MCTP2: variants seen among roughly 807,000 people sequenced by gnomAD.
MCTP2 encodes the protein multiple C2 and transmembrane domain containing 2.
A neutral mutation model predicts 111.6 loss-of-function variants in MCTP2; 132 were observed. The ratio of observed to expected loss-of-function variants is 1.18; its 90% CI spans 1.03 to 1.37. MCTP2 has a LOEUF of 1.37. Among genes scored for constraint, MCTP2 ranks in the 40% most tolerant of loss-of-function variants. The pLI is 0.00. For synonymous variants in MCTP2, 395 were observed against 387.7 expected (o/e 1.02, Z -0.22); for missense variants, 1,183 against 1,067.9 (o/e 1.11, Z -1.50).
intron 7 of MCTP2, chr15:94,342,902 A>G (rs1324982978): frequency 6.8e-6 from 1 of 148,028 alleles, no homozygotes; most frequent in Non-Finnish European, 1.5e-5. Context: ...TTATATCCAT[A>G]TTTATGTATA....
At chr15:94,357,903 C>G (rs1274023288) in intron 9 of MCTP2, among the ~76,000 whole-genome samples, 3 of 152,172 alleles carry the variant, frequency 2.0e-5, no homozygotes, top group Non-Finnish European at 2.9e-5. Flanking sequence ...TCAAGTCACT[C>G]TCGTTAATTT....
intron 2 of MCTP2, among the ~76,000 whole-genome samples, chr15:94,298,948 TCTCTCCCTCTCTCCCTCTCTCCCTCTCC>T (rs2075439025): frequency 4.3e-4 from 3 of 7,024 alleles, no homozygotes; most frequent in Non-Finnish European, 7.0e-4. Flanking sequence ...CCTCTCTCCC[TCTCTCCCTCTCTCCCTCTCTCCCTCTCC>T]CTCTCCCTCT....
rs1278384799 is a variant in MCTP2 at position 94,409,862 on chromosome 15, C to T, written c.2085+7843C>T. Among the ~76,000 whole-genome samples the T allele has an allele frequency of 4.6e-5, 7 of 150,728 alleles. No homozygotes were observed. The East Asian group carries it at 7.9e-4, about 17-fold the overall frequency. ...CCCTCCTCCCCTATTTTCCACTCACCCTTCCTTTCCCCCTCCCTTTCCCCC... is the reference window on the plus strand; with the variant it reads ...CCCTCCTCCCCTATTTTCCACTCACTCTTCCTTTCCCCCTCCCTTTCCCCC... On this transcript the variant is annotated intron_variant, in intron 17 of 22. Coordinates refer to ENST00000357742, the MANE Select transcript of MCTP2 (RefSeq NM_001385001.1).
chr15:94,295,233 A>T (rs1385005260), intron 1 of MCTP2, among the ~76,000 whole-genome samples: 1 of 131,472 alleles, frequency 7.6e-6, no homozygotes, highest in Non-Finnish European at 1.7e-5. Context: ...TACAGGTATG[A>T]GCCACCACAC....
In MCTP2 at chr15:94,467,086, G is replaced by A. The variant is rs1406901032; in HGVS notation, c.2361-3247G>A. ...TTATAAATGATTTATATGTATAAAT[G>A]TATGGAATCCCCTCACCAACTCTGT... On this transcript the variant is annotated intron_variant, in intron 20 of 22. Transcript: ENST00000357742. Among the ~76,000 whole-genome samples, 5 of 152,254 alleles carry A rather than the reference G, an allele frequency of 3.3e-5. No individual in the cohort carries two copies. The East Asian group carries it at 5.8e-4, about 18-fold the overall frequency.
chr15:94,387,791 G>A (rs1008310072), intron 14 of MCTP2, among the ~76,000 whole-genome samples: 3 of 152,244 alleles, frequency 2.0e-5, no homozygotes, highest in African/African-American at 7.2e-5. Flanking sequence ...ATATGTGTGG[G>A]GAAGGGCACT....
intron 4 of MCTP2, among the ~76,000 whole-genome samples, chr15:94,330,730 GTGTT>G (rs113425808): frequency 0.035 from 5,335 of 151,218 alleles, 318 homozygotes; most frequent in African/African-American, 0.12. Context: ...GCATATGGGA[GTGTT>G]TGTTTGTTTG....
intron 9 of MCTP2, among the ~76,000 whole-genome samples, chr15:94,356,706 T>G (rs2078645256): frequency 6.6e-6 from 1 of 152,226 alleles, no homozygotes; most frequent in Non-Finnish European, 1.5e-5. Context: ...ATTTGCTTTC[T>G]CTTGCTTGCT....
At chr15:94,476,929 T>G in intron 22 of MCTP2, 136 bp downstream of exon 22, 2 of 586,000 alleles carry the variant, frequency 3.4e-6, no homozygotes, top group South Asian at 4.3e-5. Flanking sequence ...AGGCCTGGCT[T>G]GCAGAGAAGT....
intron 1 of MCTP2, among the ~76,000 whole-genome samples, chr15:94,253,478 C>A (rs989003597): frequency 1.3e-5 from 2 of 152,164 alleles, no homozygotes; most frequent in Admixed American, 1.3e-4. Flanking sequence ...TCAGTCCCTT[C>A]ATTGTCATTC....
At chr15:94,422,121 C>T (rs894171897) in intron 17 of MCTP2, among the ~76,000 whole-genome samples, 4 of 152,074 alleles carry the variant, frequency 2.6e-5, no homozygotes, top group African/African-American at 7.2e-5. Context: ...ATCTTTGATA[C>T]TTGGTGTGTT....
intron 19 of MCTP2, among the ~76,000 whole-genome samples, chr15:94,448,286 C>G (rs2084241042): frequency 6.6e-6 from 1 of 152,114 alleles, no homozygotes; most frequent in Non-Finnish European, 1.5e-5. Flanking sequence ...ACTAATATTC[C>G]TAGTACAAGT....
intron 1 of MCTP2, among the ~76,000 whole-genome samples, chr15:94,283,386 A>G (rs2074594102): frequency 6.6e-6 from 1 of 152,078 alleles, no homozygotes; most frequent in Non-Finnish European, 1.5e-5. Context: ...GCCATGCTCC[A>G]TGGCAGATAG....
At chr15:94,415,966 T>C (rs1452926766) in intron 17 of MCTP2, among the ~76,000 whole-genome samples, 1 of 152,128 alleles carries the variant, frequency 6.6e-6, no homozygotes, top group Non-Finnish European at 1.5e-5. Context: ...TTAGGAAATA[T>C]CGGGGAGCTG....
intron 1 of MCTP2, among the ~76,000 whole-genome samples, chr15:94,240,216 A>C (rs555872249): frequency 6.6e-6 from 1 of 152,086 alleles, no homozygotes; most frequent in Non-Finnish European, 1.5e-5. Context: ...TATCTTAGTC[A>C]TGCTAATCCT....
At chr15:94,439,978 C>T (rs1478551950) in intron 17 of MCTP2, among the ~76,000 whole-genome samples, 198 bp from the exon 18 acceptor site, 1 of 152,066 alleles carries the variant, frequency 6.6e-6, no homozygotes, top group Admixed American at 6.6e-5. Context: ...TATTCCAGAG[C>T]GTGACTAATC....
At chr15:94,336,851 G>A (rs888302688) in intron 4 of MCTP2, among the ~76,000 whole-genome samples, 1 of 152,000 alleles carries the variant, frequency 6.6e-6, no homozygotes, top group African/African-American at 2.4e-5. Context: ...CTACGTCTGA[G>A]GCTGAGGGAC....
chr15:94,367,612 G>A lies in MCTP2; in HGVS notation c.1309G>A (p.Val437Met). 6.2e-7 allele frequency: 1 copy of A among 1,610,458 alleles called. No homozygotes were observed. Among genetic ancestry groups the A allele is most frequent in the South Asian group, 1.1e-5 (1 of 90,738 alleles). ...KHEERLGTCK[V>M]DISALPLKQA... ...TTCCTGAAACTTTTCTAGGTGTAAAGTGGATATCTCGGCACTCCCTCTGAA... is the reference window on the plus strand; with the variant it reads ...TTCCTGAAACTTTTCTAGGTGTAAAATGGATATCTCGGCACTCCCTCTGAA... Residue 437 changes from valine (V) to methionine (M), a missense_variant, in exon 11 of 23, where the codon GTG becomes ATG. Val to Met is a conservative substitution (Grantham distance 21). Coordinates refer to ENST00000357742, the MANE Select transcript of MCTP2 (RefSeq NM_001385001.1).
chr15:94,233,331 G>A lies in MCTP2; in HGVS notation c.-66+1667G>A, dbSNP rs565952916. Among the ~76,000 whole-genome samples the A allele has an allele frequency of 2.6e-5, 4 of 152,030 alleles. 1 individual carries two copies. The highest frequency in any genetic ancestry group is 9.6e-5 in the African/African-American group (4 of 41,472). On this transcript the variant is annotated intron_variant, in intron 1 of 22. Coordinates refer to ENST00000357742, the MANE Select transcript of MCTP2 (RefSeq NM_001385001.1). Reference sequence around the variant, plus strand: ...TATGTTAAAAGATAAAATTTATTATGTCTCTTAACATATTTTGAAAGGCCT... The same window carrying A: ...TATGTTAAAAGATAAAATTTATTATATCTCTTAACATATTTTGAAAGGCCT...
Sources: gnomAD v4.1 joint callset for allele counts (sites outside exome capture counted in the v4.1 genomes callset) on GRCh38, gnomAD v4.1.1 for gene constraint, MANE v1.5 for transcripts, NCBI Gene and HGNC (gene_info 2026-07-23, HGNC 2026-07-21) for gene names.